Variants in SVIL observed in about 807,000 individuals in gnomAD.
The protein encoded by SVIL is supervillin.
In SVIL, 101 loss-of-function variants were observed where a neutral mutation model predicts 240.4. That is an observed-to-expected ratio of 0.42 (90% CI 0.36 to 0.50). SVIL has a LOEUF of 0.50. Among genes scored for constraint, SVIL ranks in the 20% least tolerant of loss-of-function variants. SVIL has a pLI of 0.01. For synonymous variants in SVIL, 999 were observed against 1,100.0 expected, an observed-to-expected ratio of 0.91 and a Z score of 1.82; for missense variants, 2,512 against 2,818.7, an observed-to-expected ratio of 0.89 and a Z score of 2.46.
Position 29,493,529 on chromosome 10 carries a change from T to C in SVIL, c.3842-138A>G, listed in dbSNP as rs1335886613. The C allele has an allele frequency of 3.7e-5, 35 of 941,098 alleles. 1 individual carries two copies. Among genetic ancestry groups the C allele is most frequent in the Middle Eastern group, 6.7e-4 (2 of 2,980 alleles). 58.3% of individuals were successfully genotyped at this position (941,098 alleles called of 1,614,324 possible). On this transcript the variant is annotated intron_variant, in intron 20 of 37. Transcript: ENST00000355867. Reference sequence around the variant, plus strand: ...CACGGTTGTGATATACAGGGTCCTGTGGTTGCTTCCCAGGCCCTTACTTAA... The same window carrying C: ...CACGGTTGTGATATACAGGGTCCTGCGGTTGCTTCCCAGGCCCTTACTTAA...
rs562473579 is a variant in SVIL, at chr10:29,696,633, GC to G, written c.-399-9983del. 6.9e-4 allele frequency among the ~76,000 whole-genome samples: 104 copies of G among 151,220 alleles called. 1 individual carries two copies. Among genetic ancestry groups the G allele is most frequent in the South Asian group, 2.1e-3 (10 of 4,770 alleles). ...CGTCTGGGATGTGAGGAGCGCCTCG[GC>G]CCGGCCGCGACCCCGTTTGGGAGGT... On this transcript the variant is annotated intron_variant, in intron 1 of 35. Coordinates refer to the SVIL transcript ENST00000375400.
At chr10:29,632,142 C>T (rs1032982790) in intron 1 of SVIL, among the ~76,000 whole-genome samples, 25 of 152,260 alleles carry the variant, frequency 1.6e-4, no homozygotes, top group African/African-American at 5.8e-4. Context: ...ACCAGACATC[C>T]TTATAAAAAT....
rs776181577 is a variant in SVIL, at chr10:29,499,097, T to G, written c.3664+19A>C. 3.7e-6 allele frequency: 6 copies of G among 1,611,880 alleles called. No individual in the cohort carries two copies. The highest frequency in any genetic ancestry group is 3.3e-5 in the Admixed American group (2 of 59,816). ...GTGCATTGTGCACACACCACACACA[T>G]GGACACACACACACTGACCTTTCTT... On this transcript the variant is annotated intron_variant, in intron 18 of 37. Coordinates refer to ENST00000355867, the MANE Select transcript of SVIL (RefSeq NM_021738.3).
chr10:29,676,043 T>C (rs1180181797), intron 2 of SVIL, among the ~76,000 whole-genome samples: 1 of 152,224 alleles, frequency 6.6e-6, no homozygotes, highest in Non-Finnish European at 1.5e-5. Flanking sequence ...TGATAACTAC[T>C]GACCCCCTGC....
rs1217776075 is a variant in SVIL, at chr10:29,735,243, T to C, written c.-400+508A>G. Among the ~76,000 whole-genome samples the C allele has an allele frequency of 1.3e-5, 2 of 151,914 alleles. No homozygotes were observed. Among genetic ancestry groups the C allele is most frequent in the Admixed American group, 6.5e-5 (1 of 15,272 alleles). ...CGCGGGCCCTGCGGAGGCGCCGGTCTGGGACCCCGGGCTGGGGCGCGGGAG... is the reference window on the plus strand; with the variant it reads ...CGCGGGCCCTGCGGAGGCGCCGGTCCGGGACCCCGGGCTGGGGCGCGGGAG... On this transcript the variant is annotated intron_variant, in intron 1 of 35. Coordinates refer to the SVIL transcript ENST00000375400. This position sits in a 1 kb window ranked among gnomAD's most constrained non-coding sequence, Gnocchi z 4.1.
At position 29,633,089 on chromosome 10, in the gene SVIL, A is replaced by C. The variant is rs140128361; in HGVS notation, c.-201+1331T>G. Among the ~76,000 whole-genome samples, 29 of 152,168 alleles carry C rather than the reference A, an allele frequency of 1.9e-4. No individual in the cohort carries two copies. In the East Asian group the frequency reaches 5.4e-3, roughly 28 times the overall value. ...TCTACTAAAAATACAAAAAAAAATT[A>C]GCTGGATATGGTGCCAGGTGCCTGT... On this transcript the variant is annotated intron_variant, in intron 1 of 37. Coordinates refer to ENST00000355867, the MANE Select transcript of SVIL (RefSeq NM_021738.3).
At chr10:29,579,563 A>G (rs1353954394) in intron 1 of SVIL, among the ~76,000 whole-genome samples, 4 of 152,240 alleles carry the variant, frequency 2.6e-5, no homozygotes, top group Non-Finnish European at 4.4e-5. Context: ...TCCCAAATTG[A>G]CAAGGTCAAA....
intron 6 of SVIL, among the ~76,000 whole-genome samples, chr10:29,542,990 T>G (rs1354168425): frequency 6.6e-6 from 1 of 152,142 alleles, no homozygotes; most frequent in African/African-American, 2.4e-5. Context: ...TCTGGGAAAC[T>G]CACGATATGA....
intron 1 of SVIL, among the ~76,000 whole-genome samples, chr10:29,573,844 C>T (rs538183930): frequency 1.7e-4 from 26 of 152,182 alleles, no homozygotes; most frequent in Admixed American, 3.9e-4. Flanking sequence ...TACAGGCGCG[C>T]GCCACCATGC....
At chr10:29,562,175 G>GTTT (rs1269992785) in intron 3 of SVIL, among the ~76,000 whole-genome samples, 8 of 152,166 alleles carry the variant, frequency 5.3e-5, no homozygotes, top group African/African-American at 1.9e-4. Flanking sequence ...CCACTGGAAG[G>GTTT]TTTCCACAGC....
intron 1 of SVIL, among the ~76,000 whole-genome samples, chr10:29,710,965 G>T (rs191316873): frequency 6.6e-6 from 1 of 152,182 alleles, no homozygotes; most frequent in African/African-American, 2.4e-5. Flanking sequence ...AGTGGAATCC[G>T]CAAAGAATGT....
At chr10:29,652,874 T>C (rs1435465934) in intron 3 of SVIL, among the ~76,000 whole-genome samples, 1 of 152,230 alleles carries the variant, frequency 6.6e-6, no homozygotes, top group Non-Finnish European at 1.5e-5. Flanking sequence ...TTTGCCCTTT[T>C]TTAATCAAAT....
At chr10:29,556,735 C>A (rs983630679) in intron 3 of SVIL, among the ~76,000 whole-genome samples, 7 of 152,180 alleles carry the variant, frequency 4.6e-5, no homozygotes, top group African/African-American at 1.7e-4. Flanking sequence ...CCCCGCCATG[C>A]GGCCTTGGGA....
At chr10:29,477,802 C>T (rs1267540936) in intron 29 of SVIL, among the ~76,000 whole-genome samples, 1 of 152,198 alleles carries the variant, frequency 6.6e-6, no homozygotes, top group Admixed American at 6.5e-5. Context: ...TTGGAGCTGG[C>T]TGTGAGATGT....
intron 27 of SVIL, chr10:29,483,147 G>C (rs1426015577): frequency 1.3e-5 from 2 of 152,242 alleles, no homozygotes. Context: ...ATGACTGTTT[G>C]TTATGTCAGT....
chr10:29,555,944 C>G (rs868273060), intron 3 of SVIL, among the ~76,000 whole-genome samples: 6 of 152,340 alleles, frequency 3.9e-5, no homozygotes, highest in Middle Eastern at 6.8e-3. Context: ...TAGATGAACA[C>G]AGGTCCTCCG....
chr10:29,468,143 C>T (rs1945140977), intron 32 of SVIL, among the ~76,000 whole-genome samples: 1 of 152,152 alleles, frequency 6.6e-6, no homozygotes. Flanking sequence ...CATCCTTAGT[C>T]CTCAGAATCC....
chr10:29,594,464 T>C (rs1956504437), intron 1 of SVIL, among the ~76,000 whole-genome samples: 1 of 152,122 alleles, frequency 6.6e-6, no homozygotes, highest in South Asian at 2.1e-4. Flanking sequence ...GTAGCGTATG[T>C]ACCACTCTAG....
rs529291980 is a variant in SVIL at position 29,567,025 on chromosome 10, C to T, written c.-143+2230G>A. ...TTCATTTTCTGCATTTTGATTTTAACTTTCTAACAGTGAGAAACACCTTTT... is the reference window on the plus strand; with the variant it reads ...TTCATTTTCTGCATTTTGATTTTAATTTTCTAACAGTGAGAAACACCTTTT... On this transcript the variant is annotated intron_variant, in intron 2 of 37. Coordinates refer to ENST00000355867, the MANE Select transcript of SVIL (RefSeq NM_021738.3). Among the ~76,000 whole-genome samples the T allele has an allele frequency of 2.0e-5, 3 of 152,340 alleles. 1 individual carries two copies. The highest frequency in any genetic ancestry group is 7.2e-5 in the African/African-American group (3 of 41,580).
Sources: allele counts gnomAD v4.1 joint callset (sites outside exome capture counted in the v4.1 genomes callset), GRCh38; gene constraint gnomAD v4.1.1; non-coding constraint Gnocchi (gnomAD v3.1); transcripts MANE v1.5; gene names NCBI Gene and HGNC (gene_info 2026-07-23, HGNC 2026-07-21).